The following ITSN1 variants were observed in gnomAD, a reference collection of about 807,000 sequenced individuals.
ITSN1 encodes intersectin 1, also known as intersectin-1.
Under a neutral mutation model 239.8 loss-of-function variants are expected in ITSN1, and 58 were observed. The ratio of observed to expected loss-of-function variants is 0.24; its 90% CI spans 0.20 to 0.30. The LOEUF is 0.30. ITSN1 is among the 10% of genes least tolerant of loss of function. The pLI, the probability that ITSN1 is intolerant of heterozygous loss-of-function variation, is 1.00. For synonymous variants in ITSN1, 780 were observed against 770.8 expected (o/e 1.01, Z -0.20); for missense variants, 1,558 against 2,103.3 (o/e 0.74, Z 5.07).
At chr21:33,756,589 G>A (rs149558802) in intron 8 of ITSN1, among the ~76,000 whole-genome samples, 180 of 152,254 alleles carry the variant, frequency 1.2e-3, no homozygotes, top group African/African-American at 4.2e-3. Context: ...AGAGTTGGAC[G>A]AGATTTTGAA....
At position 33,875,625 on chromosome 21, in the gene ITSN1, T is replaced by G. The variant is rs538327172; in HGVS notation, c.4341+104T>G. 3 of 1,020,052 alleles carry G rather than the reference T, an allele frequency of 2.9e-6. No homozygotes were observed. The African/African-American group carries it at 4.8e-5, about 16-fold the overall frequency. 63.2% of individuals were successfully genotyped at this position (1,020,052 alleles called of 1,614,324 possible). A position where few individuals can be genotyped will look rare whatever the true frequency, so the allele number is the denominator to read the frequency against. Reference sequence around the variant, plus strand: ...ATGAACCATTCTCCTCCCCAGCCGATAGCATCCTCATTTCCATCCAGCTGC... The same window carrying G: ...ATGAACCATTCTCCTCCCCAGCCGAGAGCATCCTCATTTCCATCCAGCTGC... On this transcript the variant is annotated intron_variant, in intron 34 of 39. Transcript: ENST00000381318.
At chr21:33,722,993 T>A (rs1008803597) in intron 4 of ITSN1, among the ~76,000 whole-genome samples, 1 of 152,232 alleles carries the variant, frequency 6.6e-6, no homozygotes, top group Admixed American at 6.5e-5. Flanking sequence ...TCTTGCTTTA[T>A]AATGGAATGA....
At chr21:33,654,859 C>T (rs2088897771) in intron 1 of ITSN1, among the ~76,000 whole-genome samples, 1 of 152,202 alleles carries the variant, frequency 6.6e-6, no homozygotes, top group South Asian at 2.1e-4. Context: ...TTAAGCCACT[C>T]TCTTCCAGTC....
chr21:33,842,225 CAT>C (rs2074848919), intron 29 of ITSN1, among the ~76,000 whole-genome samples: 1 of 152,144 alleles, frequency 6.6e-6, no homozygotes, highest in Non-Finnish European at 1.5e-5. Context: ...GAAAACCCCA[CAT>C]AGGAAAAACC....
intron 12 of ITSN1, 164 bp from the exon 13 acceptor site, chr21:33,774,565 G>A (rs1206245838): frequency 3.3e-6 from 2 of 608,456 alleles, no homozygotes; most frequent in Non-Finnish European, 5.8e-6. Flanking sequence ...CCCATAGAAG[G>A]AATACTGTAT....
chr21:33,881,068 C>T (rs533366930), intron 34 of ITSN1, among the ~76,000 whole-genome samples: 1 of 152,116 alleles, frequency 6.6e-6, no homozygotes, highest in South Asian at 2.1e-4. Flanking sequence ...GTTTCATGTG[C>T]GCAGTACAGT....
intron 31 of ITSN1, among the ~76,000 whole-genome samples, chr21:33,864,526 A>G (rs1981223642): frequency 1.3e-5 from 2 of 152,302 alleles, no homozygotes; most frequent in East Asian, 1.9e-4. Flanking sequence ...ATTCCAGGAT[A>G]TACATTTTTT....
At chr21:33,806,981 C>G (rs1052575951) in intron 20 of ITSN1, among the ~76,000 whole-genome samples, 1 of 152,000 alleles carries the variant, frequency 6.6e-6, no homozygotes, top group African/African-American at 2.4e-5. Context: ...CCTTTGTGCC[C>G]TTTCTAAGTG....
At chr21:33,756,102 G>T (rs1167132791) in intron 8 of ITSN1, among the ~76,000 whole-genome samples, 1 of 151,998 alleles carries the variant, frequency 6.6e-6, no homozygotes, top group Non-Finnish European at 1.5e-5. Context: ...CTGAGGTCAG[G>T]AGTTCAAGAC....
intron 33 of ITSN1, among the ~76,000 whole-genome samples, chr21:33,870,939 C>A (rs1406335907): frequency 6.6e-6 from 1 of 152,168 alleles, no homozygotes; most frequent in Admixed American, 6.5e-5. Flanking sequence ...CTGAGTCATG[C>A]AGGCTGTTTA....
At chr21:33,859,529 C>T (rs1246260786) in intron 31 of ITSN1, among the ~76,000 whole-genome samples, 2 of 152,210 alleles carry the variant, frequency 1.3e-5, no homozygotes, top group Middle Eastern at 3.2e-3. Context: ...TAAGTCACAG[C>T]CTGCAGGGCG....
At chr21:33,881,237 C>T (rs886509322) in intron 34 of ITSN1, among the ~76,000 whole-genome samples, 1 of 151,996 alleles carries the variant, frequency 6.6e-6, no homozygotes, top group African/African-American at 2.4e-5. Flanking sequence ...GAAACCCCGT[C>T]TCTACTAAAA....
At chr21:33,848,674 C>T (rs928270184) in intron 29 of ITSN1, among the ~76,000 whole-genome samples, 4 of 152,208 alleles carry the variant, frequency 2.6e-5, no homozygotes, top group Non-Finnish European at 5.9e-5. Flanking sequence ...GTGCAGCACC[C>T]GGCATTGTGA....
At chr21:33,646,962 G>C (rs2088009597) in intron 1 of ITSN1, among the ~76,000 whole-genome samples, 2 of 151,650 alleles carry the variant, frequency 1.3e-5, no homozygotes, top group Non-Finnish European at 2.9e-5. Flanking sequence ...CTCTAGCCTG[G>C]GTGACAGAGC....
chr21:33,833,915 CATT>C (rs59665729), intron 27 of ITSN1, among the ~76,000 whole-genome samples: 72 of 149,704 alleles, frequency 4.8e-4, no homozygotes, highest in African/African-American at 1.2e-3. Context: ...TATTGGTGGC[CATT>C]ATTATTATTA....
intron 33 of ITSN1, among the ~76,000 whole-genome samples, chr21:33,868,758 G>A (rs1282125684): frequency 6.6e-6 from 1 of 152,160 alleles, no homozygotes; most frequent in Non-Finnish European, 1.5e-5. Flanking sequence ...CCCAGAAGGG[G>A]GCTCCCAGAG....
intron 1 of ITSN1, among the ~76,000 whole-genome samples, chr21:33,671,770 C>T (rs1357489688): frequency 3.3e-5 from 5 of 151,400 alleles, no homozygotes; most frequent in Admixed American, 1.3e-4. Context: ...CCAGTCTGGG[C>T]GACAAAGCGA....
intron 1 of ITSN1, among the ~76,000 whole-genome samples, chr21:33,666,654 A>G (rs2089950568): frequency 6.6e-6 from 1 of 152,230 alleles, no homozygotes; most frequent in African/African-American, 2.4e-5. Flanking sequence ...AATGAAAGCC[A>G]TGAGAGTTTT....
chr21:33,827,932 T>G (rs1241855355), intron 26 of ITSN1, among the ~76,000 whole-genome samples: 1 of 152,174 alleles, frequency 6.6e-6, no homozygotes, highest in Non-Finnish European at 1.5e-5. Flanking sequence ...GAAGGGAAAT[T>G]TCACGTAGTC....
Sources: gnomAD v4.1 joint callset for allele counts (sites outside exome capture counted in the v4.1 genomes callset) on GRCh38, gnomAD v4.1.1 for gene constraint, MANE v1.5 for transcripts, NCBI Gene and HGNC (gene_info 2026-07-23, HGNC 2026-07-21) for gene names.